ALK: variants seen among roughly 807,000 people sequenced by gnomAD.
ALK encodes ALK tyrosine kinase receptor.
In ALK, 74 loss-of-function variants were observed where a neutral mutation model predicts 163.1. The observed-to-expected ratio is 0.45, with a 90% CI of 0.38 to 0.55. The LOEUF is 0.55. ALK is among the 20% of genes least tolerant of loss of function. ALK has a pLI of 0.00. For synonymous variants in ALK, 960 were observed against 843.2 expected (o/e 1.14, Z -2.40); for missense variants, 2,063 against 2,105.3 (o/e 0.98, Z 0.39).
chr2:29,258,090 C>G (rs555398998), intron 11 of ALK, among the ~76,000 whole-genome samples: 5 of 152,298 alleles, frequency 3.3e-5, no homozygotes, highest in African/African-American at 1.2e-4. Flanking sequence ...CCATGGCCTC[C>G]CAAAGTGGTG....
intron 1 of ALK, among the ~76,000 whole-genome samples, chr2:29,735,084 T>C (rs1679854796): frequency 6.6e-6 from 1 of 152,122 alleles, no homozygotes; most frequent in Non-Finnish European, 1.5e-5. Context: ...TATGAAGAAA[T>C]TAAAAGGGTC....
intron 1 of ALK, among the ~76,000 whole-genome samples, chr2:29,780,247 A>C (rs1681296863): frequency 6.6e-6 from 1 of 152,178 alleles, no homozygotes; most frequent in African/African-American, 2.4e-5. Context: ...CCGAGCACAG[A>C]GCCCTCCTGT....
At chr2:29,572,109 A>T (rs1674392192) in intron 3 of ALK, among the ~76,000 whole-genome samples, 1 of 152,214 alleles carries the variant, frequency 6.6e-6, no homozygotes, top group African/African-American at 2.4e-5. Flanking sequence ...TGGGAAGTCA[A>T]GTCACATTTT....
At chr2:29,225,374 C>T (rs1394373470) in intron 19 of ALK, 87 bp downstream of exon 19, 6 of 1,219,768 alleles carry the variant, frequency 4.9e-6, no homozygotes, top group Non-Finnish European at 7.1e-6. Context: ...AACGAAGTGA[C>T]ACCTTGGCAC....
rs774836034 is a variant in ALK at position 29,223,523 on chromosome 2, G to A, written c.3178C>T (p.Arg1060Cys). 6 of 1,613,416 alleles carry A rather than the reference G, an allele frequency of 3.7e-6. No individual in the cohort carries two copies. The highest frequency in any genetic ancestry group is 1.3e-5 in the African/African-American group (1 of 74,918). The change falls in exon 20 of 29, where the codon CGC becomes TGC. Residue 1060 changes from arginine (R) to cysteine (C), a missense_variant. By Grantham distance (180) the Arg-to-Cys change is radical (BLOSUM62 -3). Coordinates refer to ENST00000389048, the MANE Select transcript of ALK (RefSeq NM_004304.5). ...GCTTGCAGCTCCTGGTGCTTCCGGC[G>A]GTACACTGCAGGTGGGTGGTCAGCT... ...LAFSGIMIVYRRKHQELQAMQ... is the reference protein window; with the variant it reads ...LAFSGIMIVYCRKHQELQAMQ...
At chr2:29,540,887 C>T (rs4666243) in intron 3 of ALK, among the ~76,000 whole-genome samples, 58,629 of 151,934 alleles carry the variant, frequency 0.39, 12,069 homozygotes, top group East Asian at 0.65. Flanking sequence ...GCCAGTAATA[C>T]ATGAACTCAC....
chr2:29,214,582 T>A (rs1669551339), intron 23 of ALK, among the ~76,000 whole-genome samples: 1 of 152,168 alleles, frequency 6.6e-6, no homozygotes, highest in African/African-American at 2.4e-5. Flanking sequence ...GCGCTAAAAT[T>A]GATTGAAAAA....
intron 26 of ALK, among the ~76,000 whole-genome samples, chr2:29,201,638 T>G (rs1669181144): frequency 6.6e-6 from 1 of 151,928 alleles, no homozygotes; most frequent in South Asian, 2.1e-4. Context: ...AATACAAAAA[T>G]TAGCTGGGTG....
At chr2:29,826,725 A>T (rs765375013) in intron 1 of ALK, among the ~76,000 whole-genome samples, 33 of 152,232 alleles carry the variant, frequency 2.2e-4, no homozygotes, top group Non-Finnish European at 4.6e-4. Context: ...AATAAATCAG[A>T]TCTCCCTTTC....
At chr2:29,278,233 C>T (rs1386120623) in intron 9 of ALK, among the ~76,000 whole-genome samples, 1 of 152,050 alleles carries the variant, frequency 6.6e-6, no homozygotes, top group Admixed American at 6.6e-5. Context: ...AGGGATAGGA[C>T]CTGTCCTGCT....
chr2:29,775,790 C>G lies in ALK; in HGVS notation c.668-58093G>C, dbSNP rs528982380. On this transcript the variant is annotated intron_variant, in intron 1 of 28. Transcript: ENST00000389048. ...TATAAGTAAAGTGGTTAGCACAGGGCTGGCAATGGATAGTAACCACCCAGT... is the reference window on the plus strand; with the variant it reads ...TATAAGTAAAGTGGTTAGCACAGGGGTGGCAATGGATAGTAACCACCCAGT... Among the ~76,000 whole-genome samples, 5 of 152,306 alleles carry G rather than the reference C, an allele frequency of 3.3e-5. No individual in the cohort carries two copies. The East Asian group carries it at 9.6e-4, about 29-fold the overall frequency.
chr2:29,876,968 G>T (rs1666740266), intron 1 of ALK, among the ~76,000 whole-genome samples: 1 of 152,098 alleles, frequency 6.6e-6, no homozygotes, highest in South Asian at 2.1e-4. Flanking sequence ...CCTTGGTCCT[G>T]ACTTCTCCCT....
intron 5 of ALK, among the ~76,000 whole-genome samples, chr2:29,332,805 C>T (rs1334333648): frequency 1.3e-5 from 2 of 152,186 alleles, no homozygotes; most frequent in Admixed American, 6.5e-5. Flanking sequence ...TATGATGACG[C>T]TTTGAAGAAT....
chr2:29,384,196 C>A (rs1429402596), intron 4 of ALK, among the ~76,000 whole-genome samples: 1 of 152,148 alleles, frequency 6.6e-6, no homozygotes, highest in Non-Finnish European at 1.5e-5. Flanking sequence ...GTTGAGAAAA[C>A]CTGCCAGTAA....
chr2:29,588,289 T>C (rs980191559), intron 3 of ALK, among the ~76,000 whole-genome samples: 1 of 152,170 alleles, frequency 6.6e-6, no homozygotes, highest in Non-Finnish European at 1.5e-5. Flanking sequence ...TGAAGTGAAG[T>C]GGCACATCTC....
chr2:29,579,835 G>A (rs1674629337), intron 3 of ALK, among the ~76,000 whole-genome samples: 1 of 152,186 alleles, frequency 6.6e-6, no homozygotes, highest in African/African-American at 2.4e-5. Context: ...GTAATTCTAG[G>A]AGTCAACAGC....
At chr2:29,763,960 GT>G (rs1280501124) in intron 1 of ALK, among the ~76,000 whole-genome samples, 1 of 152,142 alleles carries the variant, frequency 6.6e-6, no homozygotes, top group Non-Finnish European at 1.5e-5. Flanking sequence ...GTAACACCCT[GT>G]TTATTCTGCT....
chr2:29,459,214 T>G (rs962789933), intron 4 of ALK, among the ~76,000 whole-genome samples: 2 of 148,312 alleles, frequency 1.3e-5, no homozygotes, highest in Admixed American at 1.4e-4. Flanking sequence ...AATTTTCCCC[T>G]TTGTTCACTC....
At chr2:29,281,950 A>G (rs1422799284) in intron 9 of ALK, among the ~76,000 whole-genome samples, 2 of 152,196 alleles carry the variant, frequency 1.3e-5, no homozygotes, top group Non-Finnish European at 2.9e-5. Context: ...AAACCTAATT[A>G]AGTTCACTTA....
Sources: gnomAD v4.1 joint callset for allele counts (sites outside exome capture counted in the v4.1 genomes callset) on GRCh38, gnomAD v4.1.1 for gene constraint, MANE v1.5 for transcripts, NCBI Gene and HGNC (gene_info 2026-07-23, HGNC 2026-07-21) for gene names.